Variants in CHSY3 observed in about 807,000 individuals in gnomAD.
CHSY3 encodes chondroitin sulfate synthase 3.
Under a neutral mutation model 67.2 loss-of-function variants are expected in CHSY3, and 35 were observed. The observed-to-expected ratio is 0.52, with a 90% CI of 0.40 to 0.69. CHSY3 has a LOEUF of 0.69. Among genes scored for constraint, CHSY3 ranks in the 30% least tolerant of loss-of-function variants. The pLI is 0.00. For missense variants in CHSY3, 1,069 were observed against 1,138.5 expected, an observed-to-expected ratio of 0.94 and a Z score of 0.88; for synonymous variants, 474 against 434.7, an observed-to-expected ratio of 1.09 and a Z score of -1.12.
intron 2 of CHSY3, among the ~76,000 whole-genome samples, chr5:129,952,471 C>T (rs777266032): frequency 1.4e-4 from 22 of 152,080 alleles, no homozygotes; most frequent in African/African-American, 4.3e-4. Flanking sequence ...CAGAAATGAG[C>T]GTATAACTTA....
intron 2 of CHSY3, among the ~76,000 whole-genome samples, chr5:130,143,796 ATATATATATG>A (rs1420341546): frequency 1.1e-5 from 1 of 92,268 alleles, no homozygotes; most frequent in African/African-American, 5.0e-5. Flanking sequence ...ATATATATAT[ATATATATATG>A]TGTGTATATA....
intron 2 of CHSY3, among the ~76,000 whole-genome samples, chr5:130,063,767 C>T (rs1326765842): frequency 2.0e-5 from 3 of 152,082 alleles, no homozygotes; most frequent in Admixed American, 1.3e-4. Context: ...GCAGCATCCT[C>T]ACCTGGCAGA....
intron 2 of CHSY3, among the ~76,000 whole-genome samples, chr5:129,911,632 A>C (rs1335632435): frequency 6.6e-6 from 1 of 152,252 alleles, no homozygotes; most frequent in East Asian, 1.9e-4. Context: ...TTAGTAATGG[A>C]TGGGTGATTC....
chr5:129,978,638 GAAGAT>G (rs1762880823), intron 2 of CHSY3, among the ~76,000 whole-genome samples: 1 of 152,074 alleles, frequency 6.6e-6, no homozygotes, highest in Non-Finnish European at 1.5e-5. Flanking sequence ...AAATCGTAAT[GAAGAT>G]AAGCCTATAA....
chr5:130,166,620 T>C (rs1769755400), intron 2 of CHSY3, among the ~76,000 whole-genome samples: 1 of 152,174 alleles, frequency 6.6e-6, no homozygotes, highest in Non-Finnish European at 1.5e-5. Context: ...GTGATTACCA[T>C]CCATTCCCAC....
intron 2 of CHSY3, among the ~76,000 whole-genome samples, chr5:129,981,702 T>A (rs1453936902): frequency 2.0e-5 from 3 of 151,970 alleles, no homozygotes; most frequent in Non-Finnish European, 4.4e-5. Flanking sequence ...TACTTTTTAT[T>A]TTCTTGTCTT....
intron 2 of CHSY3, among the ~76,000 whole-genome samples, chr5:130,009,129 A>G (rs1286136372): frequency 6.6e-6 from 1 of 152,160 alleles, no homozygotes; most frequent in African/African-American, 2.4e-5. Flanking sequence ...GCAAAATCGT[A>G]TACAAGATGA....
chr5:130,179,897 G>T (rs767166477), intron 2 of CHSY3, among the ~76,000 whole-genome samples: 14 of 152,190 alleles, frequency 9.2e-5, no homozygotes, highest in Non-Finnish European at 1.6e-4. Context: ...ACAAAGAAAA[G>T]ACATAGATTT....
intron 2 of CHSY3, among the ~76,000 whole-genome samples, chr5:130,063,716 G>A (rs1765786773): frequency 6.6e-6 from 1 of 152,092 alleles, no homozygotes; most frequent in African/African-American, 2.4e-5. Flanking sequence ...ATAAGTCGAA[G>A]ATCCAGGTGC....
intron 2 of CHSY3, among the ~76,000 whole-genome samples, chr5:130,081,143 C>T (rs1243591590): frequency 7.2e-5 from 11 of 152,098 alleles, no homozygotes; most frequent in Admixed American, 2.6e-4. Flanking sequence ...TGACAGATTT[C>T]GGTCTTTCTT....
At chr5:130,140,563 A>G in intron 2 of CHSY3, 1 of 565,674 alleles carries the variant, frequency 1.8e-6, no homozygotes, top group Non-Finnish European at 3.0e-6. Flanking sequence ...TGCTGCTGCT[A>G]CTGCTTATAG....
At chr5:130,051,967 C>T (rs12655155) in intron 2 of CHSY3, 1 of 151,248 alleles carries the variant, frequency 6.6e-6, no homozygotes, top group South Asian at 2.1e-4. Context: ...AAACTCACCT[C>T]GAAAACAAAA....
At chr5:130,092,174 C>A (rs1276528241) in intron 2 of CHSY3, among the ~76,000 whole-genome samples, 4 of 152,182 alleles carry the variant, frequency 2.6e-5, no homozygotes, top group Non-Finnish European at 5.9e-5. Flanking sequence ...GGCAGATGGG[C>A]CTATGCTCTG....
chr5:130,104,182 T>G (rs1446615112), intron 2 of CHSY3, among the ~76,000 whole-genome samples: 4 of 151,730 alleles, frequency 2.6e-5, no homozygotes, highest in Non-Finnish European at 4.4e-5. Context: ...AGCACAGAGT[T>G]ATAACAAAAC....
chr5:130,152,041 A>G lies in CHSY3; in HGVS notation c.1087-32188A>G, dbSNP rs145343456. Among the ~76,000 whole-genome samples, 153 of 152,296 alleles carry G rather than the reference A, an allele frequency of 1.0e-3. 1 individual carries two copies. The highest frequency in any genetic ancestry group is 3.1e-3 in the African/African-American group (129 of 41,566). ...CTTGAGCCAGCCCAACATTATTCAA[A>G]ATTTAATTCGGAGACACCTGCATCA... On this transcript the variant is annotated intron_variant, in intron 2 of 2. Coordinates refer to ENST00000305031, the MANE Select transcript of CHSY3 (RefSeq NM_175856.5).
At chr5:130,082,836 A>G (rs1766486867) in intron 2 of CHSY3, among the ~76,000 whole-genome samples, 1 of 151,858 alleles carries the variant, frequency 6.6e-6, no homozygotes, top group African/African-American at 2.4e-5. Flanking sequence ...GTCCTCCTGA[A>G]ATGTTGGAGC....
At chr5:129,932,103 C>CATATATATATATATATATATAT (rs33960181) in intron 2 of CHSY3, among the ~76,000 whole-genome samples, 2 of 115,026 alleles carry the variant, frequency 1.7e-5, no homozygotes, top group Non-Finnish European at 3.4e-5. Context: ...ACCATAAAAC[C>CATATATATATATATATATATAT]ATATATATAT....
intron 2 of CHSY3, chr5:130,114,300 A>G (rs1254690889): frequency 6.6e-6 from 1 of 152,210 alleles, no homozygotes; most frequent in African/African-American, 2.4e-5. Context: ...CATGGAAACT[A>G]TGTATAATAA....
At chr5:129,936,001 A>C (rs1227346861) in intron 2 of CHSY3, among the ~76,000 whole-genome samples, 1 of 152,224 alleles carries the variant, frequency 6.6e-6, no homozygotes, top group Admixed American at 6.5e-5. Context: ...GCTGAAAAAA[A>C]ATCTGAATTT....
Sources: allele counts gnomAD v4.1 joint callset (sites outside exome capture counted in the v4.1 genomes callset), GRCh38; gene constraint gnomAD v4.1.1; transcripts MANE v1.5; gene names NCBI Gene and HGNC (gene_info 2026-07-23, HGNC 2026-07-21).